Variants in SPACA6 observed in about 807,000 individuals in gnomAD.
The protein encoded by SPACA6 is sperm acrosome associated 6, also known as sperm acrosome membrane-associated protein 6.
For missense variants in SPACA6, 8 were observed against 2.8 expected (o/e 2.88, Z -1.34); for synonymous variants, 6 against 1.5 (o/e 4.05, Z -2.21).
chr19:51,705,052 A>G (rs2083507920), intron 8 of SPACA6, 38 bp from the exon 9 acceptor site: 4 of 400,398 alleles, frequency 1.0e-5, no homozygotes, highest in African/African-American at 6.2e-5. Context: ...CTAGTCACCA[A>G]CCCCTCCTGT....
chr19:51,698,401 T>C (rs940241289), intron 2 of SPACA6, among the ~76,000 whole-genome samples: 2 of 152,174 alleles, frequency 1.3e-5, no homozygotes, highest in Admixed American at 6.5e-5. Flanking sequence ...TATACTCCCC[T>C]GGTGGAGTAT....
the SPACA6 span, among the ~76,000 whole-genome samples, chr19:51,682,791 C>G: frequency 1.3e-5 from 2 of 152,198 alleles, no homozygotes; most frequent in African/African-American, 4.8e-5. Flanking sequence ...CCTGTAATCC[C>G]AGTACTTTGG....
intron 2 of SPACA6, among the ~76,000 whole-genome samples, chr19:51,697,579 A>G (rs2083439189): frequency 6.6e-6 from 1 of 152,152 alleles, no homozygotes; most frequent in Non-Finnish European, 1.5e-5. Context: ...GGCCCAGGAT[A>G]TATTTGGAGA....
At chr19:51,698,188 TTG>T (rs2122209942) in intron 2 of SPACA6, among the ~76,000 whole-genome samples, 1 of 152,158 alleles carries the variant, frequency 6.6e-6, no homozygotes, top group South Asian at 2.1e-4. Flanking sequence ...GGAGGAGGGC[TTG>T]TGATTGATAC....
downstream of SPACA6, among the ~76,000 whole-genome samples, chr19:51,709,531 C>CAAAAAAAAAAAAAAAAAAAA (rs56170768): frequency 5.5e-5 from 3 of 54,466 alleles, no homozygotes; most frequent in East Asian, 5.9e-4. Flanking sequence ...AAAAAAAAGG[C>CAAAAAAAAAAAAAAAAAAAA]AAAAAAAAAA....
At chr19:51,694,646 C>T (rs1222812384) in intron 2 of SPACA6, 91 bp downstream of exon 2, 1 of 398,828 alleles carries the variant, frequency 2.5e-6, no homozygotes, top group Non-Finnish European at 4.4e-6. Context: ...AGGAAGGAGG[C>T]CCCCAGAGTT....
At position 51,693,742 on chromosome 19, in the gene SPACA6, T is replaced by C. The variant is rs1029021447; in HGVS notation, c.214+2T>C. ...AGGGCCTCTCTGACACCGAAATCAG[T>C]GAGGAGACCATCCACACTTCATCAG... On this transcript the variant is annotated splice_donor_variant, in intron 1 of 8. Coordinates refer to ENST00000637797, the MANE Select transcript of SPACA6 (RefSeq NM_001316972.2). LOFTEE classifies it high-confidence loss of function. 4.9e-6 allele frequency: 2 copies of C among 406,882 alleles called. No individual in the cohort carries two copies. The highest frequency in any genetic ancestry group is 4.1e-5 in the African/African-American group (2 of 48,914). 25.2% of individuals were successfully genotyped at this position (406,882 alleles called of 1,614,324 possible). A position where few individuals can be genotyped will look rare whatever the true frequency, so the allele number is the denominator to read the frequency against.
At chr19:51,690,360 A>C (rs2083359609), upstream of SPACA6, among the ~76,000 whole-genome samples, 1 of 151,790 alleles carries the variant, frequency 6.6e-6, no homozygotes, top group African/African-American at 2.4e-5. Context: ...CGCGGCCCCC[A>C]ACCCTCTGTT....
At chr19:51,684,753 A>G (rs2083320952), upstream of SPACA6, among the ~76,000 whole-genome samples, 1 of 152,216 alleles carries the variant, frequency 6.6e-6, no homozygotes, top group African/African-American at 2.4e-5. Flanking sequence ...ATGTTTTAAG[A>G]AAGTTTATGA....
Position 51,704,118 on chromosome 19 carries a change from G to A in SPACA6, c.662G>A (p.Arg221His). ...ARIRPAQLTHRGTFSCVIKQD... is the reference protein window; with the variant it reads ...ARIRPAQLTHHGTFSCVIKQD... ...ATCCGGCCGGCTCAGCTCACGCACC[G>A]CGGGACGTTCTCCTGCGTGATCAAG... Residue 221 changes from arginine to histidine, a missense_variant, in exon 7 of 9, where the codon CGC (arginine) becomes CAC (histidine). Transcript: ENST00000637797. 3 of 401,198 alleles carry A rather than the reference G, an allele frequency of 7.5e-6. No individual in the cohort carries two copies. The highest frequency in any genetic ancestry group is 1.3e-5 in the Non-Finnish European group (3 of 226,216). The allele number at this position is 401,198 out of a possible 1,614,324, so 24.9% of individuals were successfully genotyped here. A position where few individuals can be genotyped will look rare whatever the true frequency, so the allele number is the denominator to read the frequency against.
intron 2 of SPACA6, among the ~76,000 whole-genome samples, chr19:51,695,817 C>T (rs1451775218): frequency 6.6e-6 from 1 of 152,126 alleles, no homozygotes; most frequent in Non-Finnish European, 1.5e-5. Flanking sequence ...AGCGGAGGCC[C>T]GAGTGGGGGC....
upstream of SPACA6, among the ~76,000 whole-genome samples, chr19:51,684,931 T>C (rs1034100069): frequency 6.6e-6 from 1 of 152,148 alleles, no homozygotes; most frequent in Non-Finnish European, 1.5e-5. Flanking sequence ...GGGTTTGGGG[T>C]TGATCCCCCC....
chr19:51,693,127 C>G (rs1257482175), upstream of SPACA6: 5 of 394,810 alleles, frequency 1.3e-5, no homozygotes, highest in Non-Finnish European at 2.6e-5. Context: ...CTGCCCCTCC[C>G]GATATCTCTC....
intron 3 of SPACA6, among the ~76,000 whole-genome samples, chr19:51,702,252 G>A (rs1009139267): frequency 3.3e-5 from 5 of 151,642 alleles, no homozygotes; most frequent in African/African-American, 1.2e-4. Flanking sequence ...ACCTGGCCAC[G>A]CCTCTTCTCT....
chr19:51,694,303 G>GGAGGATAGAGACTCACAGAGAGGT (rs150736418), intron 1 of SPACA6, 175 bp from the exon 2 acceptor site: 84,770 of 390,938 alleles, frequency 0.22, 9,591 homozygotes, highest in East Asian at 0.32. Context: ...AGAGACTCAG[G>GGAGGATAGAGACTCACAGAGAGGT]GAGGATAGAG....
At chr19:51,696,472 G>A (rs1043868340) in intron 2 of SPACA6, among the ~76,000 whole-genome samples, 1 of 151,996 alleles carries the variant, frequency 6.6e-6, no homozygotes, top group Non-Finnish European at 1.5e-5. Flanking sequence ...TTTTGAGATA[G>A]GGTCTCACTT....
rs2083432548 is a variant in SPACA6, at chr19:51,696,587, A to G, written c.292+2032A>G. 3.3e-5 allele frequency among the ~76,000 whole-genome samples: 5 copies of G among 152,150 alleles called. No individual in the cohort carries two copies. In the Middle Eastern group the frequency reaches 0.01, roughly 311 times the overall value. ...CTCAGCCTCCCAAGTAGCTGGGACTATAGGTGTGCGCCACCATCTTTGGCT... is the reference window on the plus strand; with the variant it reads ...CTCAGCCTCCCAAGTAGCTGGGACTGTAGGTGTGCGCCACCATCTTTGGCT... On this transcript the variant is annotated intron_variant, in intron 2 of 8. Coordinates refer to ENST00000637797, the MANE Select transcript of SPACA6 (RefSeq NM_001316972.2).
downstream of SPACA6, among the ~76,000 whole-genome samples, chr19:51,709,219 GAA>G (rs35079110): frequency 9.5e-5 from 12 of 126,984 alleles, no homozygotes; most frequent in East Asian, 4.7e-4. Context: ...ACCTGAATCA[GAA>G]AAAAAAAAAA....
chr19:51,683,547 T>C, the SPACA6 span, among the ~76,000 whole-genome samples: 4 of 151,928 alleles, frequency 2.6e-5, no homozygotes, highest in African/African-American at 9.7e-5. Flanking sequence ...AAAAAATAAA[T>C]GAGGATGGGA....
Sources: allele counts gnomAD v4.1 joint callset (sites outside exome capture counted in the v4.1 genomes callset), GRCh38; gene constraint gnomAD v4.1.1; transcripts MANE v1.5; gene names NCBI Gene and HGNC (gene_info 2026-07-23, HGNC 2026-07-21).